CYRIB: variants seen among roughly 807,000 people sequenced by gnomAD.
CYRIB encodes the protein CYFIP-related Rac1 interactor B.
Under a neutral mutation model 44.2 loss-of-function variants are expected in CYRIB, and 8 were observed. The ratio of observed to expected loss-of-function variants is 0.18; its 90% CI spans 0.11 to 0.33. The LOEUF (loss-of-function observed/expected upper bound fraction) is 0.33, where lower values mean the gene tolerates loss of function less well. Ranked by LOEUF, CYRIB falls within the 10% of genes least tolerant of loss-of-function variation. CYRIB has a pLI of 1.00. For missense variants in CYRIB, 185 were observed against 382.8 expected, an observed-to-expected ratio of 0.48 and a Z score of 4.31; for synonymous variants, 131 against 127.2, an observed-to-expected ratio of 1.03 and a Z score of -0.20.
At chr8:129,967,940 C>T (rs1277692477) in intron 2 of CYRIB, among the ~76,000 whole-genome samples, 1 of 152,172 alleles carries the variant, frequency 6.6e-6, no homozygotes, top group Non-Finnish European at 1.5e-5. Flanking sequence ...ATACCCATCT[C>T]TTTATCGCTT....
intron 1 of CYRIB, among the ~76,000 whole-genome samples, chr8:129,934,475 T>C (rs298619): frequency 0.41 from 61,673 of 151,952 alleles, 13,636 homozygotes; most frequent in East Asian, 0.55. Flanking sequence ...TATGATACAT[T>C]ATGTCATATT....
intron 2 of CYRIB, among the ~76,000 whole-genome samples, chr8:129,967,466 A>G (rs1478143826): frequency 3.4e-5 from 5 of 147,242 alleles, no homozygotes; most frequent in South Asian, 2.1e-4. Flanking sequence ...TGCAAACTCC[A>G]CCTCCCAGGT....
intron 1 of CYRIB, among the ~76,000 whole-genome samples, chr8:129,938,122 GA>G (rs5895014): frequency 0.019 from 2,744 of 148,036 alleles, 91 homozygotes; most frequent in African/African-American, 0.062. Flanking sequence ...AAAGTCACAT[GA>G]AAAAAAAAAG....
At chr8:129,966,515 A>T (rs1386995158) in intron 2 of CYRIB, among the ~76,000 whole-genome samples, 1 of 152,166 alleles carries the variant, frequency 6.6e-6, no homozygotes, top group Non-Finnish European at 1.5e-5. Flanking sequence ...GATATCATTA[A>T]TGACATGACT....
At chr8:129,892,246 T>C (rs1304847138) in intron 2 of CYRIB, among the ~76,000 whole-genome samples, 2 of 152,190 alleles carry the variant, frequency 1.3e-5, no homozygotes, top group African/African-American at 4.8e-5. Flanking sequence ...GAATGGAATA[T>C]GATGGAAATA....
At chr8:129,959,059 CAAAAAAAAAAAAAA>C (rs60576774) in intron 2 of CYRIB, among the ~76,000 whole-genome samples, 126 of 68,362 alleles carry the variant, frequency 1.8e-3, no homozygotes, top group Non-Finnish European at 3.2e-3. Context: ...GACTCTGTCT[CAAAAAAAAAAAAAA>C]AAAAAAAAAA....
At chr8:129,996,194 G>A (rs572530963) in intron 1 of CYRIB, among the ~76,000 whole-genome samples, 41 of 152,250 alleles carry the variant, frequency 2.7e-4, no homozygotes, top group African/African-American at 9.4e-4. Context: ...AATCACAGCC[G>A]CTAGCCGATT....
intron 1 of CYRIB, among the ~76,000 whole-genome samples, chr8:130,011,966 T>C (rs2097232615): frequency 6.6e-6 from 1 of 152,100 alleles, no homozygotes; most frequent in Non-Finnish European, 1.5e-5. Context: ...CCCTCATTTC[T>C]CTACTCTTGA....
At chr8:129,916,294 TG>T (rs1335162381) in intron 1 of CYRIB, among the ~76,000 whole-genome samples, 1 of 152,192 alleles carries the variant, frequency 6.6e-6, no homozygotes, top group East Asian at 1.9e-4. Flanking sequence ...ATCTCCTAAA[TG>T]GTTAACCTAC....
At chr8:129,866,548 T>C (rs1363324359) in intron 4 of CYRIB, among the ~76,000 whole-genome samples, 1 of 151,992 alleles carries the variant, frequency 6.6e-6, no homozygotes, top group Non-Finnish European at 1.5e-5. Flanking sequence ...ATATAGAGAT[T>C]GTTCAACTAA....
At chr8:129,932,156 G>A (rs779073238) in intron 1 of CYRIB, among the ~76,000 whole-genome samples, 3 of 151,786 alleles carry the variant, frequency 2.0e-5, no homozygotes, top group Middle Eastern at 3.4e-3. Context: ...TCACCACTTC[G>A]CCCAGCTAAT....
intron 3 of CYRIB, among the ~76,000 whole-genome samples, chr8:129,874,815 G>C (rs1421724948): frequency 6.6e-6 from 1 of 151,950 alleles, no homozygotes; most frequent in Non-Finnish European, 1.5e-5. Context: ...CTATGCAAGA[G>C]ATAAATGAAA....
chr8:129,987,010 T>C (rs1288489399), intron 1 of CYRIB, among the ~76,000 whole-genome samples: 3 of 152,096 alleles, frequency 2.0e-5, no homozygotes, highest in African/African-American at 7.2e-5. Context: ...TGCCCCTAAC[T>C]AGACAGTAAG....
intron 1 of CYRIB, among the ~76,000 whole-genome samples, chr8:129,914,965 C>G (rs545774861): frequency 6.6e-6 from 1 of 152,046 alleles, no homozygotes; most frequent in Non-Finnish European, 1.5e-5. Flanking sequence ...TCAACACCAT[C>G]GGGCACTAGA....
chr8:129,978,760 T>C (rs1250848375), intron 1 of CYRIB, among the ~76,000 whole-genome samples: 3 of 152,160 alleles, frequency 2.0e-5, no homozygotes, highest in Non-Finnish European at 4.4e-5. Flanking sequence ...TAATTTCCTA[T>C]TCATAACTAG....
chr8:129,958,474 A>C (rs2095014596), intron 2 of CYRIB, among the ~76,000 whole-genome samples: 1 of 152,106 alleles, frequency 6.6e-6, no homozygotes, highest in East Asian at 1.9e-4. Context: ...ACTCTTTACC[A>C]AAAAAACTGT....
chr8:129,965,354 C>T (rs1202463655), intron 2 of CYRIB, among the ~76,000 whole-genome samples: 1 of 152,012 alleles, frequency 6.6e-6, no homozygotes, highest in Non-Finnish European at 1.5e-5. Context: ...CTTATACCCT[C>T]TTCTTGTTTT....
chr8:129,947,499 T>C (rs2094231052), intron 2 of CYRIB, among the ~76,000 whole-genome samples: 1 of 152,240 alleles, frequency 6.6e-6, no homozygotes. Flanking sequence ...CTGCAGTTCC[T>C]GCCATGGTGC....
At chr8:129,932,076 G>A (rs937640354) in intron 1 of CYRIB, among the ~76,000 whole-genome samples, 3 of 142,230 alleles carry the variant, frequency 2.1e-5, no homozygotes, top group Non-Finnish European at 4.5e-5. Context: ...TCGGCTCACC[G>A]CAACCTCCAC....
Sources: gnomAD v4.1 joint callset for allele counts (sites outside exome capture counted in the v4.1 genomes callset) on GRCh38, gnomAD v4.1.1 for gene constraint, MANE v1.5 for transcripts, NCBI Gene and HGNC (gene_info 2026-07-23, HGNC 2026-07-21) for gene names.